The following CYB5A variants were observed in gnomAD, a reference collection of about 807,000 sequenced individuals.
The protein encoded by CYB5A is cytochrome b5 type A, also known as cytochrome b5.
CYB5A carries 10 observed loss-of-function variants against 16.2 expected under a neutral mutation model. That is an observed-to-expected ratio of 0.62 (90% confidence interval 0.38 to 1.04). The LOEUF (loss-of-function observed/expected upper bound fraction) is 1.04. CYB5A is among the 50% of genes least tolerant of loss of function. The pLI, the probability that CYB5A is intolerant of heterozygous loss-of-function variation, is 0.01. For synonymous variants in CYB5A, 62 were observed against 57.0 expected (o/e 1.09, Z -0.40); for missense variants, 161 against 165.9 (o/e 0.97, Z 0.16).
chr18:74,256,728 G>T, intron 3 of CYB5A: 2 of 1,063,416 alleles, frequency 1.9e-6, no homozygotes, highest in Non-Finnish European at 2.9e-6. Context: ...GCGGCCTGCA[G>T]TAAGGCAAGC....
At chr18:74,267,696 A>G (rs765495863) in intron 1 of CYB5A, among the ~76,000 whole-genome samples, 1 of 152,222 alleles carries the variant, frequency 6.6e-6, no homozygotes, top group Non-Finnish European at 1.5e-5. Flanking sequence ...TTTAAGAAAA[A>G]GACCAAAATG....
At chr18:74,255,590 A>G in intron 4 of CYB5A, 151 bp downstream of exon 4, 1 of 659,418 alleles carries the variant, frequency 1.5e-6, no homozygotes, top group Non-Finnish European at 2.7e-6. Context: ...TTTGAGGCTG[A>G]GTGCTCTGAA....
rs570350239 is a variant in CYB5A, at chr18:74,252,497, C to T, written c.*1087G>A. ...CTTACAAATTAGAAAACCAGCCTTT[C>T]CTTAGAAGAGTTTACAAACAATTCT... On this transcript the variant is annotated 3_prime_UTR_variant, in exon 5 of 5. Transcript: ENST00000340533. 6.6e-6 allele frequency: 1 copy of T among 152,224 alleles called. No individual in the cohort carries two copies. The highest frequency in any genetic ancestry group is 2.1e-4 in the South Asian group (1 of 4,818). The allele number at this position is 152,224 out of a possible 1,614,324, so 9.4% of individuals were successfully genotyped here.
At chr18:74,283,982 T>C (rs778612032) in intron 1 of CYB5A, among the ~76,000 whole-genome samples, 2 of 152,066 alleles carry the variant, frequency 1.3e-5, no homozygotes, top group Non-Finnish European at 1.5e-5. Flanking sequence ...CCTGTAATCT[T>C]AGCACTTTGG....
chr18:74,290,356 T>C (rs1983484860), intron 1 of CYB5A, among the ~76,000 whole-genome samples: 1 of 152,174 alleles, frequency 6.6e-6, no homozygotes, highest in Admixed American at 6.5e-5. Context: ...GGGATTCTCC[T>C]GTCTCAGCCT....
chr18:74,260,567 C>T (rs1982158516), intron 3 of CYB5A: 1 of 374,694 alleles, frequency 2.7e-6, no homozygotes, highest in Non-Finnish European at 5.1e-6. Context: ...AAACCACTAT[C>T]CATTCAGATT....
At chr18:74,266,192 AT>A (rs1485796646) in intron 1 of CYB5A, among the ~76,000 whole-genome samples, 1 of 152,242 alleles carries the variant, frequency 6.6e-6, no homozygotes, top group Non-Finnish European at 1.5e-5. Context: ...GGCTGCAGCA[AT>A]AAAAACATGG....
intron 4 of CYB5A, among the ~76,000 whole-genome samples, chr18:74,255,518 G>A (rs990657446): frequency 6.6e-6 from 1 of 152,172 alleles, no homozygotes; most frequent in Admixed American, 6.5e-5. Context: ...CCTTGGGGTG[G>A]ATGCAGCCAG....
At chr18:74,264,134 C>G (rs1790892) in intron 1 of CYB5A, among the ~76,000 whole-genome samples, 142,682 of 151,380 alleles carry the variant, frequency 0.94, 67,689 homozygotes, top group East Asian at 1. Context: ...TCGCTTGAAT[C>G]CAGGAGGCCG....
intron 2 of CYB5A, 44 bp from the exon 3 acceptor site, chr18:74,260,988 T>C: frequency 6.7e-7 from 1 of 1,486,298 alleles, no homozygotes; most frequent in Admixed American, 1.7e-5. Flanking sequence ...TAAAAATCTA[T>C]GAAAGTACCA....
intron 1 of CYB5A, among the ~76,000 whole-genome samples, chr18:74,287,671 G>A (rs185569195): frequency 4.5e-4 from 68 of 152,290 alleles, no homozygotes; most frequent in African/African-American, 1.5e-3. Flanking sequence ...GATGTAAAGG[G>A]AGAGGAGACA....
chr18:74,253,293 G>A lies in CYB5A; in HGVS notation c.*291C>T, dbSNP rs1228654083. On this transcript the variant is annotated 3_prime_UTR_variant, in exon 5 of 5. Coordinates refer to ENST00000340533, the MANE Select transcript of CYB5A (RefSeq NM_148923.4). ...TATACACCAAACAGGCAAACACGGT[G>A]CATACTTTAAAAGCCAAATATATTT... is the stretch of plus-strand genomic sequence containing the variant. The A allele has an allele frequency of 8.3e-6, 3 of 361,192 alleles. No homozygotes were observed. The highest frequency in any genetic ancestry group is 7.0e-5 in the East Asian group (1 of 14,274). 22.4% of individuals were successfully genotyped at this position (361,192 alleles called of 1,614,324 possible).
chr18:74,263,146 C>CAAAAAAA (rs374767854), intron 2 of CYB5A, among the ~76,000 whole-genome samples: 1 of 85,842 alleles, frequency 1.2e-5, no homozygotes, highest in Non-Finnish European at 2.4e-5. Flanking sequence ...AGACCTGTCT[C>CAAAAAAA]AAAAAAAAAA....
chr18:74,283,946 G>A (rs754780526), intron 1 of CYB5A, among the ~76,000 whole-genome samples: 1 of 152,146 alleles, frequency 6.6e-6, no homozygotes, highest in Non-Finnish European at 1.5e-5. Context: ...AAGATTAAAA[G>A]CACAGGCCGG....
rs1249794263 is a variant in CYB5A at position 74,287,571 on chromosome 18, CT to C, written c.129+4175del. On this transcript the variant is annotated intron_variant, in intron 1 of 4. Coordinates refer to ENST00000340533, the MANE Select transcript of CYB5A (RefSeq NM_148923.4). ...CCAATAGCTTCTATGAGGCAGAATGCTGTAAAGAACATTTAAGGCTCAGGTC... is the reference window on the plus strand; with the variant it reads ...CCAATAGCTTCTATGAGGCAGAATGCGTAAAGAACATTTAAGGCTCAGGTC... Among the ~76,000 whole-genome samples, 4 of 152,268 alleles carry C rather than the reference CT, an allele frequency of 2.6e-5. No homozygotes were observed. In the East Asian group the frequency reaches 7.7e-4, roughly 29 times the overall value.
chr18:74,262,613 T>C (rs1301352589), intron 2 of CYB5A, among the ~76,000 whole-genome samples: 2 of 152,238 alleles, frequency 1.3e-5, no homozygotes, highest in Non-Finnish European at 2.9e-5. Context: ...CTTATTCATT[T>C]CACATAGCTC....
chr18:74,279,231 C>T (rs572519198), intron 1 of CYB5A, among the ~76,000 whole-genome samples: 8 of 152,312 alleles, frequency 5.3e-5, no homozygotes, highest in African/African-American at 1.9e-4. Flanking sequence ...CTGGAATGGC[C>T]AAAAGATGAG....
intron 3 of CYB5A, chr18:74,256,916 T>C: frequency 7.1e-7 from 1 of 1,400,914 alleles, no homozygotes; most frequent in Non-Finnish European, 1.0e-6. Context: ...TATTATCTAT[T>C]CCAGCAATTT....
intron 1 of CYB5A, among the ~76,000 whole-genome samples, chr18:74,289,668 T>C (rs58194909): frequency 0.04 from 6,058 of 150,760 alleles, 401 homozygotes; most frequent in African/African-American, 0.14. Context: ...CCCAGCTACT[T>C]GGGAGGCTGA....
Sources: allele counts gnomAD v4.1 joint callset (sites outside exome capture counted in the v4.1 genomes callset), GRCh38; gene constraint gnomAD v4.1.1; transcripts MANE v1.5; gene names NCBI Gene and HGNC (gene_info 2026-07-23, HGNC 2026-07-21).